SKIDA1: variants seen among roughly 807,000 people sequenced by gnomAD.
SKIDA1 encodes the protein SKI/DACH domain containing 1.
SKIDA1 carries 18 observed loss-of-function variants against 51.4 expected under a neutral mutation model. The observed-to-expected ratio is 0.35, with a 90% CI of 0.24 to 0.52. SKIDA1 has a LOEUF of 0.52. Ranked by LOEUF, SKIDA1 falls within the 20% of genes least tolerant of loss-of-function variation. The pLI, the probability that SKIDA1 is intolerant of heterozygous loss-of-function variation, is 0.95. For missense variants in SKIDA1, 1,104 were observed against 1,180.6 expected, an observed-to-expected ratio of 0.94 and a Z score of 0.95; for synonymous variants, 579 against 500.5, an observed-to-expected ratio of 1.16 and a Z score of -2.09.
In SKIDA1 at chr10:21,520,969, G is replaced by A. The variant is rs75724581; in HGVS notation, c.-1837+420C>T. 9.9e-3 allele frequency among the ~76,000 whole-genome samples: 1,511 copies of A among 151,892 alleles called. 18 individuals are homozygous for A. Among genetic ancestry groups the A allele is most frequent in the African/African-American group, 0.031 (1,281 of 41,406 alleles). ...ACTACTATTACACATCTTTCTTCGT[G>A]TCTAATACATTCTTTTGTTCCTTTA... On this transcript the variant is annotated intron_variant, in intron 3 of 3. Coordinates refer to ENST00000449193, the MANE Select transcript of SKIDA1 (RefSeq NM_207371.4).
rs1295312592 is a variant in SKIDA1 at position 21,517,976 on chromosome 10, T to C, written c.-154A>G. 6.1e-6 allele frequency: 4 copies of C among 658,312 alleles called. No homozygotes were observed. Among genetic ancestry groups the C allele is most frequent in the Non-Finnish European group, 9.3e-6 (4 of 428,826 alleles). 40.8% of individuals were successfully genotyped at this position (658,312 alleles called of 1,614,324 possible). On this transcript the variant is annotated 5_prime_UTR_variant, in exon 4 of 4. Transcript: ENST00000449193. This position sits in a 1 kb window ranked among gnomAD's most constrained non-coding sequence, Gnocchi z 6.9. Reference sequence around the variant, plus strand: ...AGACTGTTATTCCCGGCGAAGGAAGTGCCAAACTCTAGGCGAAATTATTGG... The same window carrying C: ...AGACTGTTATTCCCGGCGAAGGAAGCGCCAAACTCTAGGCGAAATTATTGG...
At position 21,515,963 on chromosome 10, in the gene SKIDA1, G is replaced by T. The variant is rs759188612; in HGVS notation, c.1860C>A (p.Phe620Leu). ...CTGCTCCTGAAGAATCATTATTTAAGAACCTAGCAGCTATTGTGTTGTTAT... is the reference window on the plus strand; with the variant it reads ...CTGCTCCTGAAGAATCATTATTTAATAACCTAGCAGCTATTGTGTTGTTAT... The part of the protein sequence containing the change: ...CADNNTIAAR[F>L]LNNDSSGAEA... Residue 620 changes from phenylalanine (F) to leucine (L), a missense_variant, in exon 4 of 4, where the codon TTC (phenylalanine) becomes TTA (leucine). Phe to Leu is a conservative substitution (Grantham distance 22, BLOSUM62 0). This residue lies in a region of SKIDA1 where 938 missense variants were observed against 886.4 expected (regional missense o/e 1.06). Transcript: ENST00000449193. 1 of 1,613,892 alleles carries T rather than the reference G, an allele frequency of 6.2e-7. No individual in the cohort carries two copies. The highest frequency in any genetic ancestry group is 2.2e-5 in the East Asian group (1 of 44,880).
rs2032201011 is a variant in SKIDA1, at chr10:21,516,281, C to T, written c.1542G>A (p.Ala514=). Residue 514 remains alanine (A), a synonymous_variant, in exon 4 of 4, where the codon GCG becomes GCA. Coordinates refer to ENST00000449193, the MANE Select transcript of SKIDA1 (RefSeq NM_207371.4). This position sits in a 1 kb window ranked among gnomAD's most constrained non-coding sequence, Gnocchi z 5.7. ...GCAGATTCCACTCCGCCGGCGACTC[C>T]GCTTTGACACTACTCTTGAGGTCGG... ...RLPDLKSSVK[A]ESPAEWNLQS... The T allele has an allele frequency of 5.6e-6, 9 of 1,613,808 alleles. No homozygotes were observed. Among genetic ancestry groups the T allele is most frequent in the African/African-American group, 1.3e-5 (1 of 74,942 alleles).
In SKIDA1 at chr10:21,516,851, C is replaced by T; in HGVS notation, c.972G>A (p.Glu324=). The change falls in exon 4 of 4, where the codon GAG becomes GAA. Residue 324 remains glutamate, a synonymous_variant. Transcript: ENST00000449193. This position sits in a 1 kb window ranked among gnomAD's most constrained non-coding sequence, Gnocchi z 5.7. ...AGAAGCCGTTGACCAGATGAAACCT[C>T]TCCAGGCAAGTGGCCCCCGCGGCGG... The part of the protein sequence containing the change: ...AAAAAGATCL[E]RFHLVNGFCP... The T allele has an allele frequency of 1.4e-6, 2 of 1,439,388 alleles. No homozygotes were observed. Among genetic ancestry groups the T allele is most frequent in the Non-Finnish European group, 1.8e-6 (2 of 1,094,818 alleles). The allele number at this position is 1,439,388 out of a possible 1,614,324, so 89.2% of individuals were successfully genotyped here.
At chr10:21,520,577 G>C (rs902793897) in intron 3 of SKIDA1, among the ~76,000 whole-genome samples, 23 of 138,912 alleles carry the variant, frequency 1.7e-4, no homozygotes, top group Non-Finnish European at 2.9e-4. Context: ...AGTACAAAAG[G>C]TTGGCTAGAG....
In SKIDA1 at chr10:21,517,201, G is replaced by C; in HGVS notation, c.622C>G (p.Pro208Ala). The C allele has an allele frequency of 6.9e-7, 1 of 1,448,950 alleles. No individual in the cohort carries two copies. Among genetic ancestry groups the C allele is most frequent in the African/African-American group, 1.5e-5 (1 of 67,600 alleles). The allele number at this position is 1,448,950 out of a possible 1,614,324, so 89.8% of individuals were successfully genotyped here. Residue 208 changes from proline to alanine, a missense_variant, in exon 4 of 4, where the codon CCC becomes GCC. Physicochemically the swap from Pro to Ala is conservative, Grantham distance 27. Transcript: ENST00000449193. This position sits in a 1 kb window ranked among gnomAD's most constrained non-coding sequence, Gnocchi z 6.9. ...APLQGNYVAF[P>A]SDPAYFRSLL... ...CTCCGAAAATAAGCAGGGTCCGAGG[G>C]GAAGGCGACGTAGTTTCCCTGGAGC...
intron 2 of SKIDA1, among the ~76,000 whole-genome samples, chr10:21,523,235 G>A (rs934728713): frequency 6.6e-6 from 1 of 152,148 alleles, no homozygotes; most frequent in Non-Finnish European, 1.5e-5. Flanking sequence ...GGGAGGAAAA[G>A]AAAGGAGTGA....
Position 21,514,977 on chromosome 10 carries a change from G to T in SKIDA1, c.*119C>A, listed in dbSNP as rs1359078931. The T allele has an allele frequency of 9.3e-6, 9 of 966,628 alleles. No homozygotes were observed. The highest frequency in any genetic ancestry group is 4.4e-5 in the South Asian group (1 of 22,664). The allele number at this position is 966,628 out of a possible 1,614,324, so 59.9% of individuals were successfully genotyped here. On this transcript the variant is annotated 3_prime_UTR_variant, in exon 4 of 4. Transcript: ENST00000449193. The stretch of plus-strand genomic sequence containing the variant: ...GTAATCCGATTTCTGTCTTCAAAAT[G>T]CGATAAACCAGGACTCCAAAGGGGG...
rs754621872 is a variant in SKIDA1 at position 21,517,124 on chromosome 10, A to AGCGGCG, written c.693_698dup (p.Ala243_Ala244dup). The AGCGGCG allele has an allele frequency of 7.1e-4, 736 of 1,041,876 alleles. 7 individuals carry two copies. Among genetic ancestry groups the AGCGGCG allele is most frequent in the South Asian group, 2.3e-4 (6 of 26,172 alleles). The allele number at this position is 1,041,876 out of a possible 1,614,324, so 64.5% of individuals were successfully genotyped here. A position where few individuals can be genotyped will look rare whatever the true frequency, so the allele number is the denominator to read the frequency against. On this transcript the variant is annotated inframe_insertion, in exon 4 of 4. Transcript: ENST00000449193. The surrounding 1 kb of genome is among the most constrained non-coding windows in gnomAD (Gnocchi z 6.9). The stretch of plus-strand genomic sequence containing the variant: ...CGGCGGCGGCGGCGGCGGCGGCAGC[A>AGCGGCG]GCGGCGGCGGCGGCGGCGGCGGCGG...
rs567680362 is a variant in SKIDA1, at chr10:21,517,767, A to G, written c.56T>C (p.Leu19Pro). The change falls in exon 4 of 4, where the codon CTC becomes CCC. Residue 19 changes from leucine (L) to proline (P), a missense_variant. By Grantham distance (98) the Leu-to-Pro change is moderately conservative. This residue lies in a region of SKIDA1 where 54 missense variants were observed against 126.0 expected (regional missense o/e 0.43). Coordinates refer to ENST00000449193, the MANE Select transcript of SKIDA1 (RefSeq NM_207371.4). This position sits in a 1 kb window ranked among gnomAD's most constrained non-coding sequence, Gnocchi z 6.9. Reference protein sequence around the residue: ...EEVDGVRLGYLIIKGKQMFAL... With the variant: ...EEVDGVRLGYPIIKGKQMFAL... Reference sequence around the variant, plus strand: ...AAACATTTGCTTCCCTTTAATGATGAGGTAGCCGAGCCTCACGCCATCCAC... The same window carrying G: ...AAACATTTGCTTCCCTTTAATGATGGGGTAGCCGAGCCTCACGCCATCCAC... 1 of 1,613,526 alleles carries G rather than the reference A, an allele frequency of 6.2e-7. No homozygotes were observed. Among genetic ancestry groups the G allele is most frequent in the African/African-American group, 1.3e-5 (1 of 75,002 alleles).
rs1166555735 is a variant in SKIDA1 at position 21,516,642 on chromosome 10, T to C, written c.1181A>G (p.Asn394Ser). Reference sequence around the variant, plus strand: ...CAAACTGGAGCCAAAATCCGAGTCGTTGGCCGCGTGGTCCGAGTAGGAGCT... The same window carrying C: ...CAAACTGGAGCCAAAATCCGAGTCGCTGGCCGCGTGGTCCGAGTAGGAGCT... ...ESSSYSDHAA[N>S]DSDFGSSLSS... Residue 394 changes from asparagine (N) to serine (S), a missense_variant, in exon 4 of 4, where the codon AAC (asparagine) becomes AGC (serine). Asn to Ser is a conservative substitution (Grantham distance 46, BLOSUM62 1). Around this residue, in one of 3 missense-constraint regions of SKIDA1, gnomAD observed 938 missense variants for 886.4 expected, o/e 1.06. Transcript: ENST00000449193. This position sits in a 1 kb window ranked among gnomAD's most constrained non-coding sequence, Gnocchi z 5.7. 4.5e-6 allele frequency: 7 copies of C among 1,551,730 alleles called. No homozygotes were observed. Among genetic ancestry groups the C allele is most frequent in the Admixed American group, 3.9e-5 (2 of 51,008 alleles).
At chr10:21,524,374 T>A (rs536272700) in intron 1 of SKIDA1, among the ~76,000 whole-genome samples, 30 of 151,970 alleles carry the variant, frequency 2.0e-4, no homozygotes, top group African/African-American at 4.6e-4. Flanking sequence ...CTTAAAAAAA[T>A]TTTTTTTTCT....
chr10:21,518,953 T>C lies in SKIDA1; in HGVS notation c.-1131A>G, dbSNP rs2032320914. The C allele has an allele frequency of 6.0e-6, 1 of 165,824 alleles. No individual in the cohort carries two copies. Among genetic ancestry groups the C allele is most frequent in the African/African-American group, 2.4e-5 (1 of 41,004 alleles). 10.3% of individuals were successfully genotyped at this position (165,824 alleles called of 1,614,324 possible). ...CTCCAGCTCCGAAACACTGTAACAA[T>C]TCAACTGGATTTCGGTTCTCTGCTG... On this transcript the variant is annotated 5_prime_UTR_variant, in exon 4 of 4. Coordinates refer to ENST00000449193, the MANE Select transcript of SKIDA1 (RefSeq NM_207371.4).
Position 21,516,336 on chromosome 10 carries a change from G to T in SKIDA1, c.1487C>A (p.Pro496His). ...TCTGCCGGCATCCTCGAAAGCAGCG[G>T]GTTTGGTTGCAGCGGCGGCGGAGGC... ...HLASAAAATK[P>H]AAFEDAGRLP... The change falls in exon 4 of 4, where the codon CCC (proline) becomes CAC (histidine). Residue 496 changes from proline to histidine, a missense_variant. By Grantham distance (77) the Pro-to-His change is moderately conservative. Transcript: ENST00000449193. The surrounding 1 kb of genome is among the most constrained non-coding windows in gnomAD (Gnocchi z 5.7). 1 of 1,613,688 alleles carries T rather than the reference G, an allele frequency of 6.2e-7. No homozygotes were observed. The highest frequency in any genetic ancestry group is 8.5e-7 in the Non-Finnish European group (1 of 1,179,908).
At position 21,516,896 on chromosome 10, in the gene SKIDA1, C is replaced by CGAAAATAAGCAGGGTCCGAGGGGAAG; in HGVS notation, c.926_927insCTTCCCCTCGGACCCTGCTTATTTTC (p.Ala310PhefsTer245). The CGAAAATAAGCAGGGTCCGAGGGGAAG allele has an allele frequency of 1.8e-6, 2 of 1,140,352 alleles. No homozygotes were observed. Among genetic ancestry groups the CGAAAATAAGCAGGGTCCGAGGGGAAG allele is most frequent in the South Asian group, 4.0e-5 (1 of 25,140 alleles). 70.6% of individuals were successfully genotyped at this position (1,140,352 alleles called of 1,614,324 possible). Reference sequence around the variant, plus strand: ...CGGCGGCCGCCGCCGCCGCTGCCGCCGCCGCCGCCGCCGCCGCCGCCTTGG... The same window carrying CGAAAATAAGCAGGGTCCGAGGGGAAG: ...CGGCGGCCGCCGCCGCCGCTGCCGCCGAAAATAAGCAGGGTCCGAGGGGAAGGCCGCCGCCGCCGCCGCCGCCTTGG... On this transcript the variant is annotated frameshift_variant, in exon 4 of 4. Coordinates refer to ENST00000449193, the MANE Select transcript of SKIDA1 (RefSeq NM_207371.4). LOFTEE classifies it high-confidence loss of function. This position sits in a 1 kb window ranked among gnomAD's most constrained non-coding sequence, Gnocchi z 5.7.
Position 21,516,547 on chromosome 10 carries a change from C to T in SKIDA1, c.1276G>A (p.Glu426Lys), listed in dbSNP as rs1564333922. 1 of 1,546,428 alleles carries T rather than the reference C, an allele frequency of 6.5e-7. No individual in the cohort carries two copies. The highest frequency in any genetic ancestry group is 8.8e-7 in the Non-Finnish European group (1 of 1,142,070). ...GAGGCCCCGCTGCCCCCCTCCTCCT[C>T]CTCTTCCTCCTCCTCCTCCTCTCCC... Reference protein sequence around the residue: ...EEGEEEEEEEEEEGGSGASDS... With the variant: ...EEGEEEEEEEKEEGGSGASDS... Residue 426 changes from glutamate to lysine, a missense_variant, in exon 4 of 4, where the codon GAG becomes AAG. Glu to Lys is a moderately conservative substitution (Grantham distance 56). Transcript: ENST00000449193. The surrounding 1 kb of genome is among the most constrained non-coding windows in gnomAD (Gnocchi z 5.7).
chr10:21,515,094 T>C lies in SKIDA1; in HGVS notation c.*2A>G, dbSNP rs1194924184. On this transcript the variant is annotated 3_prime_UTR_variant, in exon 4 of 4. Coordinates refer to ENST00000449193, the MANE Select transcript of SKIDA1 (RefSeq NM_207371.4). Reference sequence around the variant, plus strand: ...TTCAAGAAAATATCTTCCAAAACATTTTTATGAATTAAATTTCCTGAATTT... The same window carrying C: ...TTCAAGAAAATATCTTCCAAAACATCTTTATGAATTAAATTTCCTGAATTT... 1.3e-6 allele frequency: 2 copies of C among 1,595,528 alleles called. No individual in the cohort carries two copies. The highest frequency in any genetic ancestry group is 1.7e-6 in the Non-Finnish European group (2 of 1,171,166).
In SKIDA1 at chr10:21,516,397, TG is replaced by T; in HGVS notation, c.1425del (p.Ser476AlafsTer70). 1 of 1,613,484 alleles carries T rather than the reference TG, an allele frequency of 6.2e-7. No individual in the cohort carries two copies. Among genetic ancestry groups the T allele is most frequent in the Non-Finnish European group, 8.5e-7 (1 of 1,179,880 alleles). On this transcript the variant is annotated frameshift_variant, in exon 4 of 4. Transcript: ENST00000449193. LOFTEE classifies it high-confidence loss of function. The surrounding 1 kb of genome is among the most constrained non-coding windows in gnomAD (Gnocchi z 5.7). ...RFRRTSFCKP[P>X]SVQAQANFLY... ...AAGAAGTTGGCCTGCGCCTGCACGC[TG>T]GGAGGCTTGCAGAAGCTGGTGCGCC...
intron 1 of SKIDA1, among the ~76,000 whole-genome samples, chr10:21,524,266 C>T (rs2032548990): frequency 6.6e-6 from 1 of 152,054 alleles, no homozygotes; most frequent in Admixed American, 6.6e-5. Flanking sequence ...AAACACATGG[C>T]ACAACAAACG....
Sources: allele counts gnomAD v4.1 joint callset (sites outside exome capture counted in the v4.1 genomes callset), GRCh38; gene constraint gnomAD v4.1.1; regional missense constraint gnomAD v4.1.1; non-coding constraint Gnocchi (gnomAD v3.1); transcripts MANE v1.5; gene names NCBI Gene and HGNC (gene_info 2026-07-23, HGNC 2026-07-21).